The following ALK variants were observed in gnomAD, a reference collection of about 807,000 sequenced individuals.
The protein encoded by ALK is ALK receptor tyrosine kinase.
Under a neutral mutation model 163.1 loss-of-function variants are expected in ALK, and 74 were observed. The ratio of observed to expected loss-of-function variants is 0.45; its 90% CI spans 0.38 to 0.55. The LOEUF is 0.55. Ranked by LOEUF, ALK falls within the 20% of genes least tolerant of loss-of-function variation. ALK has a pLI of 0.00. For synonymous variants in ALK, 960 were observed against 843.2 expected, an observed-to-expected ratio of 1.14 and a Z score of -2.40; for missense variants, 2,063 against 2,105.3, an observed-to-expected ratio of 0.98 and a Z score of 0.39.
At chr2:29,315,342 T>C (rs1012134995) in intron 8 of ALK, among the ~76,000 whole-genome samples, 1 of 152,080 alleles carries the variant, frequency 6.6e-6, no homozygotes, top group African/African-American at 2.4e-5. Context: ...TGGCTATGCC[T>C]CCATCATGGG....
intron 13 of ALK, 54 bp downstream of exon 13, chr2:29,239,626 C>T: frequency 6.2e-7 from 1 of 1,608,546 alleles, no homozygotes; most frequent in African/African-American, 1.3e-5. Context: ...CTCCAAGAGG[C>T]CTTCCCGGGG....
At chr2:29,484,071 T>A (rs534756702) in intron 4 of ALK, among the ~76,000 whole-genome samples, 1 of 152,130 alleles carries the variant, frequency 6.6e-6, no homozygotes, top group South Asian at 2.1e-4. Flanking sequence ...TTATTCACTA[T>A]CATGAGAACA....
At chr2:29,275,774 G>A (rs1002185271) in intron 9 of ALK, among the ~76,000 whole-genome samples, 11 of 152,166 alleles carry the variant, frequency 7.2e-5, no homozygotes, top group African/African-American at 2.4e-4. Context: ...AGGACTCCCT[G>A]ATAATCTGAG....
intron 4 of ALK, among the ~76,000 whole-genome samples, chr2:29,524,984 A>G (rs1183986515): frequency 1.3e-5 from 2 of 152,148 alleles, no homozygotes; most frequent in Admixed American, 6.5e-5. Context: ...ATGGTTAGTT[A>G]AATGGAAGAA....
chr2:29,845,377 A>C (rs758706247), intron 1 of ALK, among the ~76,000 whole-genome samples: 1 of 152,168 alleles, frequency 6.6e-6, no homozygotes, highest in South Asian at 2.1e-4. Flanking sequence ...AGCTTGGGAC[A>C]TGTTGGATTA....
chr2:29,525,306 T>C (rs1281956573), intron 4 of ALK, among the ~76,000 whole-genome samples: 1 of 152,204 alleles, frequency 6.6e-6, no homozygotes, highest in Non-Finnish European at 1.5e-5. Context: ...TTAAGCTTTC[T>C]TTTTTACTTT....
chr2:29,898,753 T>C (rs897097023), intron 1 of ALK, among the ~76,000 whole-genome samples: 1 of 151,942 alleles, frequency 6.6e-6, no homozygotes, highest in African/African-American at 2.4e-5. Flanking sequence ...CAAGGAAGAA[T>C]GTGATGTTCA....
At chr2:29,344,400 C>A (rs1667887624) in intron 5 of ALK, among the ~76,000 whole-genome samples, 1 of 152,164 alleles carries the variant, frequency 6.6e-6, no homozygotes, top group South Asian at 2.1e-4. Context: ...TGTGCAGCGT[C>A]CTCCTTGGTC....
chr2:29,730,914 A>G (rs10208306), intron 1 of ALK, among the ~76,000 whole-genome samples: 11,191 of 152,132 alleles, frequency 0.074, 1,119 homozygotes, highest in African/African-American at 0.23. Context: ...ACACAATGAG[A>G]AGAGCAAGAT....
intron 26 of ALK, among the ~76,000 whole-genome samples, chr2:29,200,799 A>G (rs4666175): frequency 0.014 from 1,050 of 77,254 alleles, 12 homozygotes; most frequent in African/African-American, 0.033. Flanking sequence ...ACATGTATAC[A>G]TATATATGTG....
At chr2:29,258,020 G>A (rs1484679317) in intron 11 of ALK, among the ~76,000 whole-genome samples, 1 of 152,118 alleles carries the variant, frequency 6.6e-6, no homozygotes, top group East Asian at 1.9e-4. Context: ...TAAATTTTCT[G>A]TAGAGATGAG....
At chr2:29,542,217 T>C (rs1374581803) in intron 3 of ALK, among the ~76,000 whole-genome samples, 1 of 152,208 alleles carries the variant, frequency 6.6e-6, no homozygotes, top group Non-Finnish European at 1.5e-5. Context: ...TGTTTTGTTT[T>C]TTTTCAGTTT....
chr2:29,552,475 A>G (rs1386972301), intron 3 of ALK, among the ~76,000 whole-genome samples: 1 of 152,208 alleles, frequency 6.6e-6, no homozygotes, highest in Non-Finnish European at 1.5e-5. Context: ...AGCAATACAC[A>G]AAGATTCTAA....
intron 1 of ALK, among the ~76,000 whole-genome samples, chr2:29,775,608 G>A (rs1681155367): frequency 6.6e-6 from 1 of 151,986 alleles, no homozygotes; most frequent in Non-Finnish European, 1.5e-5. Context: ...TACCTTTAGG[G>A]CAGTGCTTAG....
At chr2:29,762,743 G>C (rs1041191145) in intron 1 of ALK, among the ~76,000 whole-genome samples, 4 of 152,210 alleles carry the variant, frequency 2.6e-5, no homozygotes, top group East Asian at 1.9e-4. Flanking sequence ...GGTTAGAGGA[G>C]AGACTTTAAG....
At chr2:29,674,514 A>C (rs1164399786) in intron 3 of ALK, among the ~76,000 whole-genome samples, 1 of 148,714 alleles carries the variant, frequency 6.7e-6, no homozygotes, top group Non-Finnish European at 1.5e-5. Flanking sequence ...CTTGCATCCC[A>C]GGGATGAAGA....
At position 29,193,492 on chromosome 2, in the gene ALK, T is replaced by C. The variant is rs2148137801; in HGVS notation, c.4595A>G (p.Asn1532Ser). The C allele has an allele frequency of 6.2e-7, 1 of 1,614,164 alleles. No homozygotes were observed. Among genetic ancestry groups the C allele is most frequent in the Non-Finnish European group, 8.5e-7 (1 of 1,180,030 alleles). Residue 1532 changes from asparagine to serine, a missense_variant, in exon 29 of 29, where the codon AAC (asparagine) becomes AGC (serine). This residue lies in a region of ALK where 403 missense variants were observed against 366.2 expected (regional missense o/e 1.10). Transcript: ENST00000389048. The stretch of plus-strand genomic sequence containing the variant: ...AGTACAGCTTCCCTCCAGCCCCAGG[T>C]TACCCCTGTCGTGTGGCTCCTTCTT... ...IAKKEPHDRG[N>S]LGLEGSCTVP... is the part of the protein sequence containing the mutation.
intron 4 of ALK, among the ~76,000 whole-genome samples, chr2:29,499,562 T>G (rs1296137406): frequency 1.3e-5 from 2 of 152,120 alleles, no homozygotes; most frequent in African/African-American, 4.8e-5. Context: ...TCAGATACTT[T>G]TCTCCCACAC....
chr2:29,433,287 C>T (rs1229193795), intron 4 of ALK, among the ~76,000 whole-genome samples: 1 of 152,102 alleles, frequency 6.6e-6, no homozygotes, highest in Non-Finnish European at 1.5e-5. Context: ...AATGCAGATT[C>T]TGATTCATTA....
Sources: allele counts gnomAD v4.1 joint callset (sites outside exome capture counted in the v4.1 genomes callset), GRCh38; gene constraint gnomAD v4.1.1; regional missense constraint gnomAD v4.1.1; transcripts MANE v1.5; gene names NCBI Gene and HGNC (gene_info 2026-07-23, HGNC 2026-07-21).